Variants in RANBP17 observed in about 807,000 individuals in gnomAD.
RANBP17 encodes ran-binding protein 17.
RANBP17 carries 158 observed loss-of-function variants against 141.2 expected under a neutral mutation model. The ratio of observed to expected loss-of-function variants is 1.12; its 90% CI spans 0.98 to 1.28. The LOEUF (loss-of-function observed/expected upper bound fraction) is 1.28, where lower values mean the gene tolerates loss of function less well. RANBP17 is among the 50% of genes most tolerant of loss of function. The pLI, the probability that RANBP17 is intolerant of heterozygous loss-of-function variation, is 0.00. For synonymous variants in RANBP17, 430 were observed against 450.0 expected, an observed-to-expected ratio of 0.96 and a Z score of 0.56; for missense variants, 1,438 against 1,290.7, an observed-to-expected ratio of 1.11 and a Z score of -1.75.
chr5:171,296,235 A>G (rs1768808411), intron 27 of RANBP17, among the ~76,000 whole-genome samples: 1 of 152,208 alleles, frequency 6.6e-6, no homozygotes, highest in South Asian at 2.1e-4. Flanking sequence ...GATTAATAAA[A>G]TGTAGTCTCT....
intron 18 of RANBP17, among the ~76,000 whole-genome samples, chr5:171,187,859 A>G (rs1196291035): frequency 1.3e-5 from 2 of 152,178 alleles, no homozygotes; most frequent in Non-Finnish European, 2.9e-5. Context: ...TGGCAATATC[A>G]TCCTTAGACA....
intron 14 of RANBP17, among the ~76,000 whole-genome samples, chr5:171,055,776 C>A (rs956145255): frequency 4.1e-5 from 6 of 145,562 alleles, no homozygotes; most frequent in African/African-American, 1.3e-4. Context: ...TCCCAAGGGG[C>A]TTTTATTGGC....
chr5:170,992,261 A>C (rs1778558523), intron 14 of RANBP17, among the ~76,000 whole-genome samples: 6 of 151,580 alleles, frequency 4.0e-5, no homozygotes, highest in Non-Finnish European at 8.8e-5. Flanking sequence ...CTGGCTATTA[A>C]CTCTATCTGT....
chr5:171,060,809 G>A (rs1016729656), intron 14 of RANBP17, among the ~76,000 whole-genome samples: 1 of 152,006 alleles, frequency 6.6e-6, no homozygotes, highest in Non-Finnish European at 1.5e-5. Context: ...CTTTTTGGTT[G>A]GTAAGCTATT....
At chr5:170,981,158 T>C (rs1051405459) in intron 14 of RANBP17, among the ~76,000 whole-genome samples, 1 of 152,250 alleles carries the variant, frequency 6.6e-6, no homozygotes, top group African/African-American at 2.4e-5. Flanking sequence ...ATCCAATGCC[T>C]ATACCCCCAT....
intron 14 of RANBP17, among the ~76,000 whole-genome samples, chr5:171,161,647 G>A (rs1561718324): frequency 6.6e-6 from 1 of 152,074 alleles, no homozygotes; most frequent in East Asian, 1.9e-4. Flanking sequence ...TATAGCCAAA[G>A]GTTTAGTAGT....
chr5:170,901,255 A>G (rs1433066011), intron 5 of RANBP17, among the ~76,000 whole-genome samples: 1 of 152,170 alleles, frequency 6.6e-6, no homozygotes, highest in Non-Finnish European at 1.5e-5. Context: ...TCCCTTTAAC[A>G]TTATGTAATG....
At chr5:170,876,990 T>C (rs1044347404) in intron 1 of RANBP17, among the ~76,000 whole-genome samples, 11 of 152,204 alleles carry the variant, frequency 7.2e-5, no homozygotes, top group African/African-American at 2.7e-4. Context: ...AAGACCTCTT[T>C]AACAAAAAAA....
intron 25 of RANBP17, among the ~76,000 whole-genome samples, chr5:171,281,001 A>T (rs1295469259): frequency 6.6e-6 from 1 of 152,168 alleles, no homozygotes; most frequent in Non-Finnish European, 1.5e-5. Flanking sequence ...CACCTCTTGG[A>T]GGATAACACC....
chr5:170,961,451 A>G (rs1380500503), intron 13 of RANBP17, among the ~76,000 whole-genome samples: 1 of 152,202 alleles, frequency 6.6e-6, no homozygotes, highest in Non-Finnish European at 1.5e-5. Context: ...TTTAAGATAA[A>G]CGAATAATAC....
At chr5:171,000,477 A>C (rs374902727) in intron 14 of RANBP17, among the ~76,000 whole-genome samples, 120 of 152,228 alleles carry the variant, frequency 7.9e-4, no homozygotes, top group Non-Finnish European at 1.4e-3. Flanking sequence ...GCTATAGTCA[A>C]GCTTTTTAAC....
Position 171,298,949 on chromosome 5 carries a change from G to A in RANBP17, c.*91G>A. On this transcript the variant is annotated 3_prime_UTR_variant, in exon 28 of 28. Transcript: ENST00000523189. ...GACAGTGATGTTGGCTAGCCCAGGGGAATGTATTTTTCAAAACATACAAGC... is the reference window on the plus strand; with the variant it reads ...GACAGTGATGTTGGCTAGCCCAGGGAAATGTATTTTTCAAAACATACAAGC... 2 of 921,144 alleles carry A rather than the reference G, an allele frequency of 2.2e-6. No individual in the cohort carries two copies. The highest frequency in any genetic ancestry group is 1.6e-5 in the South Asian group (1 of 63,722). 57.1% of individuals were successfully genotyped at this position (921,144 alleles called of 1,614,324 possible).
At chr5:170,954,118 C>T (rs1775419884) in intron 13 of RANBP17, among the ~76,000 whole-genome samples, 2 of 152,130 alleles carry the variant, frequency 1.3e-5, no homozygotes, top group Non-Finnish European at 2.9e-5. Flanking sequence ...GAATTATTCT[C>T]TTCAAGTTTC....
chr5:171,179,356 TTG>T (rs1369306199), intron 16 of RANBP17, among the ~76,000 whole-genome samples: 1 of 151,868 alleles, frequency 6.6e-6, no homozygotes, highest in Non-Finnish European at 1.5e-5. Flanking sequence ...TTTTGTCTGT[TTG>T]TGTGTGTGTA....
intron 25 of RANBP17, among the ~76,000 whole-genome samples, chr5:171,283,583 G>C (rs1767980922): frequency 6.6e-6 from 1 of 152,146 alleles, no homozygotes; most frequent in South Asian, 2.1e-4. Flanking sequence ...ATACTTAATG[G>C]AAAATATTTC....
intron 19 of RANBP17, among the ~76,000 whole-genome samples, chr5:171,203,718 TA>T (rs1052420816): frequency 6.6e-6 from 1 of 152,196 alleles, no homozygotes; most frequent in Non-Finnish European, 1.5e-5. Flanking sequence ...GAGGATAGTC[TA>T]AAATATTTTT....
At chr5:170,937,909 T>A (rs571111566) in intron 12 of RANBP17, among the ~76,000 whole-genome samples, 1 of 152,308 alleles carries the variant, frequency 6.6e-6, no homozygotes, top group South Asian at 2.1e-4. Flanking sequence ...AGTAATAACT[T>A]AAGTGTGGTC....
At position 171,055,108 on chromosome 5, in the gene RANBP17, A is replaced by C. The variant is rs372705953; in HGVS notation, c.1710+86731A>C. Among the ~76,000 whole-genome samples, 101 of 152,276 alleles carry C rather than the reference A, an allele frequency of 6.6e-4. 1 individual carries two copies. The South Asian group carries it at 0.02, about 30-fold the overall frequency. On this transcript the variant is annotated intron_variant, in intron 14 of 27. Coordinates refer to ENST00000523189, the MANE Select transcript of RANBP17 (RefSeq NM_022897.5). Reference sequence around the variant, plus strand: ...ACAACAGTAAAGAAAAATAAGCAAAATTATCCCAAGTAAAGAGAGCTTTCC... The same window carrying C: ...ACAACAGTAAAGAAAAATAAGCAAACTTATCCCAAGTAAAGAGAGCTTTCC...
chr5:171,296,849 A>C (rs2128047236), intron 27 of RANBP17, among the ~76,000 whole-genome samples: 1 of 152,320 alleles, frequency 6.6e-6, no homozygotes, highest in Admixed American at 6.5e-5. Context: ...GGAGGCAGAA[A>C]TTGCAGTGAG....
Sources: allele counts gnomAD v4.1 joint callset (sites outside exome capture counted in the v4.1 genomes callset), GRCh38; gene constraint gnomAD v4.1.1; transcripts MANE v1.5; gene names NCBI Gene and HGNC (gene_info 2026-07-23, HGNC 2026-07-21).